ANKRD11: variants seen among roughly 807,000 people sequenced by gnomAD.
The protein encoded by ANKRD11 is ankyrin repeat domain-containing protein 11.
In ANKRD11, 17 loss-of-function variants were observed where a neutral mutation model predicts 195.7. The observed-to-expected ratio is 0.09, with a 90% confidence interval of 0.06 to 0.13. The LOEUF is 0.13. ANKRD11 is among the 10% of genes least tolerant of loss of function. The pLI is 1.00. For synonymous variants in ANKRD11, 1,953 were observed against 1,528.1 expected (o/e 1.28, Z -6.49); for missense variants, 3,735 against 3,566.1 (o/e 1.05, Z -1.21).
rs71134220 is a variant in ANKRD11, at chr16:89,415,829, C to CAAAAAAAAAAAAAA, written c.-60+2441_-60+2454dup. On this transcript the variant is annotated intron_variant, in intron 2 of 12. Coordinates refer to ENST00000301030, the MANE Select transcript of ANKRD11 (RefSeq NM_013275.6). Reference sequence around the variant, plus strand: ...TGCACAACAAAGCTAGACTCTGTCTCAAAAAAAAAAAAAAAAAAAAACAAT... The same window carrying CAAAAAAAAAAAAAA: ...TGCACAACAAAGCTAGACTCTGTCTCAAAAAAAAAAAAAAAAAAAAAAAAAAAAAAAAAAACAAT... Among the ~76,000 whole-genome samples the CAAAAAAAAAAAAAA allele has an allele frequency of 8.5e-3, 336 of 39,638 alleles. 14 individuals carry two copies. The highest frequency in any genetic ancestry group is 0.015 in the East Asian group (17 of 1,104). 26.0% of individuals were successfully genotyped at this position (39,638 alleles called of 152,430 possible). A position where few individuals can be genotyped will look rare whatever the true frequency, so the allele number is the denominator to read the frequency against.
intron 5 of ANKRD11, 43 bp from the exon 6 acceptor site, chr16:89,290,871 G>C: frequency 6.2e-7 from 1 of 1,610,810 alleles, no homozygotes; most frequent in Non-Finnish European, 8.5e-7. Context: ...CTGTGGGGTG[G>C]TCCTGCTTTG....
At chr16:89,456,956 T>C (rs2056463486) in intron 1 of ANKRD11, among the ~76,000 whole-genome samples, 1 of 88,614 alleles carries the variant, frequency 1.1e-5, no homozygotes, top group Non-Finnish European at 2.7e-5. Context: ...GTTATGTGAG[T>C]CTTTTTTTTT....
intron 2 of ANKRD11, among the ~76,000 whole-genome samples, chr16:89,342,708 C>A (rs750133850): frequency 2.0e-5 from 3 of 152,148 alleles, no homozygotes; most frequent in Admixed American, 6.5e-5. Flanking sequence ...TATTTATGGG[C>A]CCTACAGAAT....
Position 89,281,663 on chromosome 16 carries a change from C to G in ANKRD11, c.4879G>C (p.Ala1627Pro). ...AGACCCTTCTTCCGCCCGTCGTCTG[C>G]CGGCTTCGCCTTCTCCTTGAGCTTG... The part of the protein sequence containing the change: ...DPKLKEKAKP[A>P]DDGRKKGLDI... The change falls in exon 9 of 13, where the codon GCA becomes CCA. Residue 1627 changes from alanine (A) to proline (P), a missense_variant. Coordinates refer to ENST00000301030, the MANE Select transcript of ANKRD11 (RefSeq NM_013275.6). The surrounding 1 kb of genome is among the most constrained non-coding windows in gnomAD (Gnocchi z 5.5). The G allele has an allele frequency of 6.2e-7, 1 of 1,614,168 alleles. No individual in the cohort carries two copies. The highest frequency in any genetic ancestry group is 8.5e-7 in the Non-Finnish European group (1 of 1,180,024).
chr16:89,479,551 T>C (rs928087335), intron 1 of ANKRD11, among the ~76,000 whole-genome samples: 3 of 151,568 alleles, frequency 2.0e-5, no homozygotes, highest in African/African-American at 7.3e-5. Flanking sequence ...AAGAGAATCA[T>C]TTGAACCCAG....
chr16:89,457,552 C>G (rs1476880106), intron 1 of ANKRD11, among the ~76,000 whole-genome samples: 1 of 147,242 alleles, frequency 6.8e-6, no homozygotes, highest in Non-Finnish European at 1.5e-5. Flanking sequence ...GAGCTGAGAT[C>G]GCGCCACTGC....
intron 2 of ANKRD11, among the ~76,000 whole-genome samples, chr16:89,397,178 T>G (rs2041475081): frequency 6.6e-6 from 1 of 152,150 alleles, no homozygotes; most frequent in African/African-American, 2.4e-5. Flanking sequence ...CTCAGGCTCC[T>G]CCACGTCCAA....
rs2037417601 is a variant in ANKRD11 at position 89,322,875 on chromosome 16, G to A, written c.-59-5797C>T. On this transcript the variant is annotated intron_variant, in intron 2 of 12. Transcript: ENST00000301030. ...TTTGTTTGTTTGTTTGTTTGAGACA[G>A]CTGTGTTGCCCAGGCTGGAGTGCAG... is the stretch of plus-strand genomic sequence containing the variant. Among the ~76,000 whole-genome samples the A allele has an allele frequency of 2.0e-5, 3 of 152,356 alleles. No individual in the cohort carries two copies. In the Middle Eastern group the frequency reaches 0.01, roughly 518 times the overall value.
chr16:89,361,642 C>T (rs1192422577), intron 2 of ANKRD11: 1 of 152,152 alleles, frequency 6.6e-6, no homozygotes, highest in Non-Finnish European at 1.5e-5. Context: ...GTGGGACTGC[C>T]AGCAAAGGAC....
Position 89,348,382 on chromosome 16 carries a change from CCTTT to C in ANKRD11, c.-59-31308_-59-31305del, listed in dbSNP as rs765978224. On this transcript the variant is annotated intron_variant, in intron 2 of 12. Transcript: ENST00000301030. ...CCGCTTGCTCATGAGGTATCGCTAT[CCTTT>C]CTATCTCCTATAACTTAAATTTACA... Among the ~76,000 whole-genome samples the C allele has an allele frequency of 4.6e-5, 7 of 152,252 alleles. No individual in the cohort carries two copies. In the South Asian group the frequency reaches 1.2e-3, roughly 27 times the overall value.
intron 1 of ANKRD11, among the ~76,000 whole-genome samples, chr16:89,471,883 T>TTAC (rs2057097526): frequency 6.6e-6 from 1 of 151,376 alleles, no homozygotes; most frequent in Non-Finnish European, 1.5e-5. Flanking sequence ...AACATGTACC[T>TTAC]TAAGTCCTTA....
At chr16:89,476,819 G>A (rs544341826) in intron 1 of ANKRD11, among the ~76,000 whole-genome samples, 1 of 140,100 alleles carries the variant, frequency 7.1e-6, no homozygotes. Flanking sequence ...GGCATGATGA[G>A]AGCTGGGGTG....
chr16:89,351,158 G>C (rs934901925), intron 2 of ANKRD11, among the ~76,000 whole-genome samples: 1 of 152,214 alleles, frequency 6.6e-6, no homozygotes, highest in Non-Finnish European at 1.5e-5. Flanking sequence ...ACAAGAGCTC[G>C]TCAAGAGCAC....
chr16:89,283,618 TCCTCCCGGTGCG>T lies in ANKRD11; in HGVS notation c.2912_2923del (p.Ala971_Glu974del). 1 of 1,610,248 alleles carries T rather than the reference TCCTCCCGGTGCG, an allele frequency of 6.2e-7. No homozygotes were observed. The highest frequency in any genetic ancestry group is 2.2e-5 in the East Asian group (1 of 44,880). On this transcript the variant is annotated inframe_deletion, in exon 9 of 13. Transcript: ENST00000301030. The surrounding 1 kb of genome is among the most constrained non-coding windows in gnomAD (Gnocchi z 4.3). Reference sequence around the variant, plus strand: ...ACTCTCGCAGCCACACTCCTTCAGCTCCTCCCGGTGCGCCTCCTCGGGCTTGGCCCTGCCGTC... The same window carrying T: ...ACTCTCGCAGCCACACTCCTTCAGCTCCTCCTCGGGCTTGGCCCTGCCGTC...
chr16:89,307,147 G>T (rs2036332625), intron 3 of ANKRD11, among the ~76,000 whole-genome samples: 1 of 152,182 alleles, frequency 6.6e-6, no homozygotes, highest in Non-Finnish European at 1.5e-5. Flanking sequence ...CCTTCTTTCT[G>T]TAACTTTCCC....
chr16:89,399,128 C>A (rs942206237), intron 2 of ANKRD11, among the ~76,000 whole-genome samples: 1 of 152,206 alleles, frequency 6.6e-6, no homozygotes, highest in African/African-American at 2.4e-5. Context: ...GCTCCGAACA[C>A]GGAGCAGGAG....
At chr16:89,370,021 G>A (rs1039518571) in intron 2 of ANKRD11, among the ~76,000 whole-genome samples, 1 of 152,212 alleles carries the variant, frequency 6.6e-6, no homozygotes. Context: ...GAAGAGCCAG[G>A]CCAAGACCAT....
chr16:89,449,044 G>C (rs1464918713), intron 1 of ANKRD11, among the ~76,000 whole-genome samples: 8 of 152,128 alleles, frequency 5.3e-5, no homozygotes, highest in African/African-American at 1.9e-4. Flanking sequence ...GAAAATGCAA[G>C]AATAGAAACA....
At chr16:89,447,779 T>A (rs1203408370) in intron 1 of ANKRD11, among the ~76,000 whole-genome samples, 3 of 151,544 alleles carry the variant, frequency 2.0e-5, no homozygotes, top group African/African-American at 7.3e-5. Context: ...TTATCTAATA[T>A]TTTCCTAAAA....
Sources: gnomAD v4.1 joint callset for allele counts (sites outside exome capture counted in the v4.1 genomes callset) on GRCh38, gnomAD v4.1.1 for gene constraint, Gnocchi (gnomAD v3.1) non-coding constraint, MANE v1.5 for transcripts, NCBI Gene and HGNC (gene_info 2026-07-23, HGNC 2026-07-21) for gene names.